The following ADAM18 variants were observed in gnomAD, a reference collection of about 807,000 sequenced individuals.
ADAM18 encodes the protein disintegrin and metalloproteinase domain-containing protein 18.
ADAM18 carries 117 observed loss-of-function variants against 94.4 expected under a neutral mutation model. The ratio of observed to expected loss-of-function variants is 1.24; its 90% CI spans 1.07 to 1.45. The LOEUF (loss-of-function observed/expected upper bound fraction) is 1.45. Ranked by LOEUF, ADAM18 falls within the 40% of genes most tolerant of loss-of-function variation. The pLI is 0.00. For missense variants in ADAM18, 936 were observed against 880.0 expected, an observed-to-expected ratio of 1.06 and a Z score of -0.81; for synonymous variants, 327 against 291.6, an observed-to-expected ratio of 1.12 and a Z score of -1.24.
chr8:39,591,062 A>G (rs1818557695), intron 2 of ADAM18, among the ~76,000 whole-genome samples: 1 of 152,208 alleles, frequency 6.6e-6, no homozygotes, highest in Admixed American at 6.5e-5. Context: ...TATGGCTAAA[A>G]ATAACATTGT....
Position 39,705,247 on chromosome 8 carries a change from T to A in ADAM18, c.1903-1543T>A, listed in dbSNP as rs146719387. On this transcript the variant is annotated intron_variant, in intron 17 of 19. Coordinates refer to ENST00000265707, the MANE Select transcript of ADAM18 (RefSeq NM_014237.3). ...GCCAGGTTTGTGCTTGTTTTTCTTT[T>A]TTCTCTTTGAAAGCCAATTGTTACG... 2.9e-4 allele frequency among the ~76,000 whole-genome samples: 44 copies of A among 152,282 alleles called. No homozygotes were observed. The East Asian group carries it at 7.9e-3, about 27-fold the overall frequency.
chr8:39,706,819 C>T lies in ADAM18; in HGVS notation c.1932C>T (p.Cys644=). The T allele has an allele frequency of 6.2e-7, 1 of 1,607,226 alleles. No individual in the cohort carries two copies. The highest frequency in any genetic ancestry group is 8.5e-7 in the Non-Finnish European group (1 of 1,175,116). The part of the protein sequence containing the change: ...GICNNFGNCQ[C]FPGHRPPDCK... ...GTAATAATTTTGGTAATTGTCAATG[C>T]TTCCCTGGACATAGACCTCCAGATT... is the stretch of plus-strand genomic sequence containing the variant. The change falls in exon 18 of 20, where the codon TGC becomes TGT. Residue 644 remains cysteine, a synonymous_variant. Transcript: ENST00000265707.
chr8:39,669,775 G>A (rs900887491), intron 14 of ADAM18, among the ~76,000 whole-genome samples: 2 of 151,964 alleles, frequency 1.3e-5, no homozygotes, highest in African/African-American at 4.8e-5. Flanking sequence ...CTATAAACAT[G>A]CGTGTGCATG....
chr8:39,723,842 CACT>C lies in ADAM18; in HGVS notation c.2113_2115del (p.Thr705del). On this transcript the variant is annotated inframe_deletion, in exon 19 of 20. Transcript: ENST00000265707. Reference sequence around the variant, plus strand: ...TTCTGCCGTTTTTCATAGTTTTCACCACTGTGATCTTTAAAAGAAATGAAATAA... The same window carrying C: ...TTCTGCCGTTTTTCATAGTTTTCACCGTGATCTTTAAAAGAAATGAAATAA... The C allele has an allele frequency of 1.3e-6, 2 of 1,579,354 alleles. No homozygotes were observed. Among genetic ancestry groups the C allele is most frequent in the South Asian group, 2.3e-5 (2 of 85,284 alleles).
At chr8:39,647,965 C>T (rs1401497455) in intron 11 of ADAM18, among the ~76,000 whole-genome samples, 2 of 152,126 alleles carry the variant, frequency 1.3e-5, no homozygotes, top group African/African-American at 2.4e-5. Context: ...GACAGAGTAA[C>T]AGTCTGATCT....
chr8:39,589,611 A>G (rs1818511175), intron 2 of ADAM18, among the ~76,000 whole-genome samples: 1 of 151,810 alleles, frequency 6.6e-6, no homozygotes, highest in Non-Finnish European at 1.5e-5. Context: ...TACACACATG[A>G]AGAAATATAT....
chr8:39,655,490 A>T (rs961545635), intron 12 of ADAM18, among the ~76,000 whole-genome samples: 1 of 152,150 alleles, frequency 6.6e-6, no homozygotes, highest in Admixed American at 6.5e-5. Flanking sequence ...TTTGAGAAAA[A>T]AAGGAAAAGA....
intron 2 of ADAM18, among the ~76,000 whole-genome samples, chr8:39,590,370 G>A (rs544904617): frequency 6.6e-6 from 1 of 152,258 alleles, no homozygotes; most frequent in Non-Finnish European, 1.5e-5. Flanking sequence ...TCACTCATAG[G>A]TGGGAATTGA....
intron 13 of ADAM18, among the ~76,000 whole-genome samples, chr8:39,667,786 A>G (rs1390633245): frequency 6.6e-6 from 1 of 152,176 alleles, no homozygotes; most frequent in Non-Finnish European, 1.5e-5. Context: ...ACTCACTGTC[A>G]AAAGGAATTC....
intron 18 of ADAM18, among the ~76,000 whole-genome samples, chr8:39,718,857 G>A (rs1312104851): frequency 2.0e-5 from 3 of 151,082 alleles, no homozygotes; most frequent in Admixed American, 6.6e-5. Context: ...TTAAATAAAT[G>A]GAGAGGCATG....
In ADAM18 at chr8:39,637,306, A is replaced by G; in HGVS notation, c.631A>G (p.Ile211Val). Residue 211 changes from isoleucine to valine, a missense_variant, in exon 8 of 20, where the codon ATT becomes GTT. By Grantham distance (29) the Ile-to-Val change is conservative. Coordinates refer to ENST00000265707, the MANE Select transcript of ADAM18 (RefSeq NM_014237.3). Reference protein sequence around the residue: ...GSEMMAVTQKIVQVIGLVNTM... With the variant: ...GSEMMAVTQKVVQVIGLVNTM... ...TGAAATGATGGCTGTAACACAAAAA[A>G]TTGTCCAGGTTATTGGGCTTGTCAA... 2 of 1,606,830 alleles carry G rather than the reference A, an allele frequency of 1.2e-6. No homozygotes were observed. Among genetic ancestry groups the G allele is most frequent in the Non-Finnish European group, 1.7e-6 (2 of 1,176,418 alleles).
At chr8:39,635,073 A>C (rs1003900206) in intron 7 of ADAM18, among the ~76,000 whole-genome samples, 2 of 152,196 alleles carry the variant, frequency 1.3e-5, no homozygotes, top group African/African-American at 4.8e-5. Context: ...TTATAAAAGC[A>C]CTGTGTAGCT....
At chr8:39,679,537 A>G (rs1046797352) in intron 15 of ADAM18, among the ~76,000 whole-genome samples, 1 of 152,202 alleles carries the variant, frequency 6.6e-6, no homozygotes, top group Non-Finnish European at 1.5e-5. Context: ...AATATACTGG[A>G]AATATCTGTA....
At chr8:39,669,896 T>A (rs1405133148) in intron 14 of ADAM18, among the ~76,000 whole-genome samples, 1 of 152,188 alleles carries the variant, frequency 6.6e-6, no homozygotes, top group Non-Finnish European at 1.5e-5. Context: ...CCACACTGAC[T>A]TCCACAATGG....
At chr8:39,585,421 GTCAGATCATACTAATT>G (rs1818369600) in intron 2 of ADAM18, 69 bp downstream of exon 2, 1 of 1,120,910 alleles carries the variant, frequency 8.9e-7, no homozygotes, top group Non-Finnish European at 1.3e-6. Flanking sequence ...CTTATATTAA[GTCAGATCATACTAATT>G]TGTATTCATT....
At position 39,645,669 on chromosome 8, in the gene ADAM18, A is replaced by G. The variant is rs547136037; in HGVS notation, c.1046+195A>G. ...GATTGATCTATATCTTTGTCTGTGC[A>G]CACACATACACATCACTGACATCGC... On this transcript the variant is annotated intron_variant, in intron 11 of 19. Coordinates refer to ENST00000265707, the MANE Select transcript of ADAM18 (RefSeq NM_014237.3). Among the ~76,000 whole-genome samples the G allele has an allele frequency of 1.1e-3, 175 of 152,306 alleles. 1 individual carries two copies. Among genetic ancestry groups the G allele is most frequent in the African/African-American group, 4.0e-3 (167 of 41,580 alleles).
intron 15 of ADAM18, 24 bp downstream of exon 15, chr8:39,677,560 T>G: frequency 1.3e-6 from 2 of 1,513,690 alleles, no homozygotes; most frequent in Non-Finnish European, 1.8e-6. Flanking sequence ...AAATGATTGC[T>G]TCTTTGAATC....
At chr8:39,648,801 A>G (rs530762354) in intron 12 of ADAM18, among the ~76,000 whole-genome samples, 1 of 152,088 alleles carries the variant, frequency 6.6e-6, no homozygotes, top group Non-Finnish European at 1.5e-5. Flanking sequence ...AGTCCTTTTT[A>G]TTATACACAT....
In ADAM18 at chr8:39,620,336, CA is replaced by C. The variant is rs1819571920; in HGVS notation, c.523-9034del. Among the ~76,000 whole-genome samples the C allele has an allele frequency of 2.8e-5, 3 of 105,984 alleles. No homozygotes were observed. In the South Asian group the frequency reaches 9.1e-4, roughly 32 times the overall value. 69.5% of individuals were successfully genotyped at this position (105,984 alleles called of 152,430 possible). A position where few individuals can be genotyped will look rare whatever the true frequency, so the allele number is the denominator to read the frequency against. ...GCAAAGATTTTTTTAGACAGGACCT[CA>C]AAAGCACATGCAACAAAAGCAAAAA... is the stretch of plus-strand genomic sequence containing the variant. On this transcript the variant is annotated intron_variant, in intron 6 of 19. Coordinates refer to ENST00000265707, the MANE Select transcript of ADAM18 (RefSeq NM_014237.3).
Sources: gnomAD v4.1 joint callset for allele counts (sites outside exome capture counted in the v4.1 genomes callset) on GRCh38, gnomAD v4.1.1 for gene constraint, MANE v1.5 for transcripts, NCBI Gene and HGNC (gene_info 2026-07-23, HGNC 2026-07-21) for gene names.